Variants in ECD observed in about 807,000 individuals in gnomAD.
ECD encodes protein ecdysoneless homolog.
ECD carries 59 observed loss-of-function variants against 77.2 expected under a neutral mutation model. The ratio of observed to expected loss-of-function variants is 0.76; its 90% CI spans 0.62 to 0.95. The LOEUF is 0.95. Among genes scored for constraint, ECD ranks in the 40% least tolerant of loss-of-function variants. The pLI, the probability that ECD is intolerant of heterozygous loss-of-function variation, is 0.00. For missense variants in ECD, 704 were observed against 763.4 expected (o/e 0.92, Z 0.92); for synonymous variants, 233 against 267.4 (o/e 0.87, Z 1.26).
chr10:73,151,292 C>T (rs562766592), intron 7 of ECD, among the ~76,000 whole-genome samples: 1 of 149,064 alleles, frequency 6.7e-6, no homozygotes, highest in Non-Finnish European at 1.5e-5. Flanking sequence ...AACCAAACAC[C>T]GCATGTTCTC....
In ECD at chr10:73,137,648, C is replaced by T. The variant is rs557850982; in HGVS notation, c.1489+355G>A. ...AAAATTAGCTGGGTGTGGTGGCAGG[C>T]GCCTGTAGTCCCAGTTACTCAGGAG... On this transcript the variant is annotated intron_variant, in intron 12 of 13. Transcript: ENST00000372979. 1.2e-4 allele frequency among the ~76,000 whole-genome samples: 18 copies of T among 151,994 alleles called. No homozygotes were observed. The South Asian group carries it at 1.7e-3, about 14-fold the overall frequency.
At chr10:73,164,379 T>A (rs890999658) in intron 1 of ECD, among the ~76,000 whole-genome samples, 1 of 151,554 alleles carries the variant, frequency 6.6e-6, no homozygotes, top group South Asian at 2.1e-4. Context: ...AAATAAAAAA[T>A]AAAAAAATAA....
chr10:73,149,701 A>G (rs1843177760), intron 7 of ECD, among the ~76,000 whole-genome samples: 1 of 152,102 alleles, frequency 6.6e-6, no homozygotes, highest in Non-Finnish European at 1.5e-5. Flanking sequence ...GACTTATGAT[A>G]TTTTCAATTT....
intron 10 of ECD, 67 bp downstream of exon 10, chr10:73,139,564 G>C: frequency 6.3e-7 from 1 of 1,589,682 alleles, no homozygotes; most frequent in Non-Finnish European, 8.5e-7. Context: ...AGGATCCTGT[G>C]AGACTGAGTA....
intron 2 of ECD, 84 bp downstream of exon 2, chr10:73,163,649 G>T: frequency 1.5e-6 from 2 of 1,356,204 alleles, no homozygotes; most frequent in South Asian, 1.3e-5. Flanking sequence ...TGGCAACACT[G>T]AATGAAGCGT....
intron 5 of ECD, among the ~76,000 whole-genome samples, chr10:73,155,293 CTT>C (rs1472919246): frequency 6.6e-6 from 1 of 152,006 alleles, no homozygotes; most frequent in Admixed American, 6.5e-5. Context: ...GTCTCGATCT[CTT>C]GACCTTGTGA....
intron 9 of ECD, among the ~76,000 whole-genome samples, chr10:73,143,832 C>CTT (rs541608935): frequency 0.012 from 1,287 of 106,706 alleles, 40 homozygotes; most frequent in African/African-American, 0.046. Context: ...TTATAACTTG[C>CTT]TTTTTTTTTT....
At chr10:73,158,578 A>C (rs1196436011) in intron 3 of ECD, among the ~76,000 whole-genome samples, 1 of 152,008 alleles carries the variant, frequency 6.6e-6, no homozygotes, top group Non-Finnish European at 1.5e-5. Context: ...TCTACAAAAA[A>C]TACAAAAATT....
chr10:73,153,851 C>T (rs1381630935), intron 6 of ECD, among the ~76,000 whole-genome samples: 1 of 150,812 alleles, frequency 6.6e-6, no homozygotes, highest in African/African-American at 2.4e-5. Flanking sequence ...TCACTGGGTG[C>T]AAGAAAAGAA....
Position 73,152,386 on chromosome 10 carries a change from C to T in ECD, c.819G>A (p.Val273=), listed in dbSNP as rs908836635. ...TFTKCLYAQL[V]QQRFVPDRRS... ...GCCGGTCTGGCACAAACCTTTGTTG[C>T]ACCAATTGTGCATATAGACATTTAG... The change falls in exon 7 of 14, where the codon GTG becomes GTA. Residue 273 remains valine (V), a synonymous_variant. Transcript: ENST00000372979. 5.0e-6 allele frequency: 8 copies of T among 1,613,678 alleles called. No homozygotes were observed. The African/African-American group carries it at 8.0e-5, about 16-fold the overall frequency.
At position 73,154,327 on chromosome 10, in the gene ECD, G is replaced by A. The variant is rs1054784875; in HGVS notation, c.712C>T (p.Arg238Ter). ...VAAAVQAFYL[R>*]DPIDLRACRV... is the part of the protein sequence containing the mutation. ...CAAGCTCGCAGGTCAATAGGGTCTCGTAGGTAAAATGCCTGGACTGCTGCA... is the reference window on the plus strand; with the variant it reads ...CAAGCTCGCAGGTCAATAGGGTCTCATAGGTAAAATGCCTGGACTGCTGCA... Residue 238 changes from arginine to a stop codon, truncating the protein, a stop_gained, in exon 6 of 14, where the codon CGA becomes TGA. Coordinates refer to ENST00000372979, the MANE Select transcript of ECD (RefSeq NM_007265.3). LOFTEE classifies it high-confidence loss of function. 15 of 1,613,966 alleles carry A rather than the reference G, an allele frequency of 9.3e-6. No individual in the cohort carries two copies. Among genetic ancestry groups the A allele is most frequent in the Middle Eastern group, 1.6e-4 (1 of 6,084 alleles).
intron 9 of ECD, among the ~76,000 whole-genome samples, chr10:73,139,975 C>T (rs1169945557): frequency 6.6e-6 from 1 of 151,004 alleles, no homozygotes; most frequent in Non-Finnish European, 1.5e-5. Flanking sequence ...CATGCCAAAA[C>T]ACCTGGCTCT....
At chr10:73,149,222 A>G (rs1843169165) in intron 7 of ECD, among the ~76,000 whole-genome samples, 1 of 152,196 alleles carries the variant, frequency 6.6e-6, no homozygotes, top group Non-Finnish European at 1.5e-5. Context: ...GTCCTTGTAT[A>G]TAGGTAAAAT....
chr10:73,152,020 A>G (rs1025210177), intron 7 of ECD, among the ~76,000 whole-genome samples: 3 of 152,034 alleles, frequency 2.0e-5, no homozygotes, highest in African/African-American at 7.2e-5. Flanking sequence ...CAAATTGTAT[A>G]GTTTCAATTT....
At chr10:73,158,263 C>T (rs565079796) in intron 3 of ECD, among the ~76,000 whole-genome samples, 2 of 152,036 alleles carry the variant, frequency 1.3e-5, no homozygotes, top group South Asian at 4.2e-4. Flanking sequence ...CCCAGGCCTA[C>T]AATGTATTGT....
intron 2 of ECD, among the ~76,000 whole-genome samples, chr10:73,161,016 CTT>C (rs1843369751): frequency 2.6e-5 from 4 of 152,130 alleles, no homozygotes; most frequent in African/African-American, 9.7e-5. Flanking sequence ...ACAACACACT[CTT>C]GGAATAAATC....
At chr10:73,137,979 A>C in intron 12 of ECD, 24 bp downstream of exon 12, 1 of 1,540,704 alleles carries the variant, frequency 6.5e-7, no homozygotes, top group Non-Finnish European at 8.7e-7. Context: ...TCAAAATGAA[A>C]GTCAACATCA....
At chr10:73,146,120 C>T (rs1403959850) in intron 9 of ECD, among the ~76,000 whole-genome samples, 156 bp downstream of exon 9, 1 of 149,054 alleles carries the variant, frequency 6.7e-6, no homozygotes, top group Non-Finnish European at 1.5e-5. Flanking sequence ...GTGGTGTGAT[C>T]GCTTGAGCCC....
intron 8 of ECD, 111 bp downstream of exon 8, chr10:73,148,165 C>T (rs1161161048): frequency 5.1e-6 from 7 of 1,372,796 alleles, no homozygotes; most frequent in Non-Finnish European, 5.8e-6. Context: ...TCCTTTAAGT[C>T]TAGCTTCCAT....
Sources: allele counts gnomAD v4.1 joint callset (sites outside exome capture counted in the v4.1 genomes callset), GRCh38; gene constraint gnomAD v4.1.1; transcripts MANE v1.5; gene names NCBI Gene and HGNC (gene_info 2026-07-23, HGNC 2026-07-21).